ATP7A: variants seen among roughly 807,000 people sequenced by gnomAD.
The protein encoded by ATP7A is copper-transporting ATPase 1.
A neutral mutation model predicts 83.5 loss-of-function variants in ATP7A; 7 were observed. The observed-to-expected ratio is 0.08, with a 90% CI of 0.05 to 0.16. The LOEUF (loss-of-function observed/expected upper bound fraction) is 0.16, where lower values mean the gene tolerates loss of function less well. Among genes scored for constraint, ATP7A ranks in the 10% least tolerant of loss-of-function variants. The pLI, the probability that ATP7A is intolerant of heterozygous loss-of-function variation, is 1.00. For missense variants in ATP7A, 940 were observed against 1,120.8 expected, an observed-to-expected ratio of 0.84 and a Z score of 2.30; for synonymous variants, 354 against 395.2, an observed-to-expected ratio of 0.90 and a Z score of 1.24.
At chrX:78,013,145 G>A (rs782614074) in intron 10 of ATP7A, 33 bp downstream of exon 10, 9 of 1,140,776 alleles carry the variant, frequency 7.9e-6, no homozygotes, top group Non-Finnish European at 8.4e-6. Context: ...TTGTTAAAAT[G>A]TTGGGTGGAT....
At chrX:77,947,835 G>T (rs1459370166) in intron 1 of ATP7A, among the ~76,000 whole-genome samples, 1 of 103,823 alleles carries the variant, frequency 9.6e-6, no homozygotes, top group Middle Eastern at 4.4e-3. Flanking sequence ...TGTCTCCTGG[G>T]TTCAAGCGAT....
intron 6 of ATP7A, among the ~76,000 whole-genome samples, chrX:78,008,773 C>T (rs1380783033): frequency 3.6e-5 from 4 of 110,121 alleles, no homozygotes; most frequent in African/African-American, 6.6e-5. Context: ...AGTGGTAACT[C>T]GGGCTGGGCA....
chrX:77,998,208 A>C (rs911192697), intron 4 of ATP7A, among the ~76,000 whole-genome samples: 1 of 112,051 alleles, frequency 8.9e-6, no homozygotes, highest in Non-Finnish European at 1.9e-5. Flanking sequence ...TCTGTCTCTC[A>C]GATTGGGAGT....
At chrX:77,962,698 C>T (rs1603377053) in intron 1 of ATP7A, 1 of 385,812 alleles carries the variant, frequency 2.6e-6, no homozygotes, top group Non-Finnish European at 5.2e-6. Flanking sequence ...AGCAGCGGAA[C>T]AGTAGACCTG....
intron 14 of ATP7A, among the ~76,000 whole-genome samples, chrX:78,026,634 A>G (rs1424748998): frequency 8.9e-6 from 1 of 112,018 alleles, no homozygotes; most frequent in African/African-American, 3.2e-5. Context: ...CAGAGTATAT[A>G]TTCTTCTCAT....
chrX:78,011,382 A>T (rs2077824084), intron 8 of ATP7A, 67 bp from the exon 9 acceptor site: 1 of 1,060,723 alleles, frequency 9.4e-7, no homozygotes, highest in Non-Finnish European at 1.3e-6. Flanking sequence ...TCTCTGTAGT[A>T]TGTAGAATCT....
Position 78,020,274 on chromosome X carries a change from G to A in ATP7A, c.2657G>A (p.Gly886Asp), listed in dbSNP as rs188175511. 98 of 1,210,016 alleles carry A rather than the reference G, an allele frequency of 8.1e-5. No homozygotes were observed. In the South Asian group the frequency reaches 1.2e-3, roughly 15 times the overall value. The change falls in exon 13 of 23, where the codon GGC becomes GAC. Residue 886 changes from glycine to aspartate, a missense_variant. Transcript: ENST00000341514. ...GEAMPVAKKP[G>D]STVIAGSINQ... ...GCAATGCCTGTGGCTAAGAAACCTG[G>A]CAGCACAGTGATTGCTGGTTCCATT...
chrX:78,010,085 G>C (rs2077806951), intron 7 of ATP7A, among the ~76,000 whole-genome samples: 2 of 112,432 alleles, frequency 1.8e-5, no homozygotes, highest in Admixed American at 1.9e-4. Flanking sequence ...GTTCAGTTAA[G>C]ATCCTATTTG....
At chrX:78,020,214 T>G in intron 12 of ATP7A, 30 bp from the exon 13 acceptor site, 1 of 1,195,687 alleles carries the variant, frequency 8.4e-7, no homozygotes, top group Non-Finnish European at 1.1e-6. Context: ...TCATTTATGC[T>G]CCTTAAATCT....
intron 1 of ATP7A, chrX:77,966,883 C>T: frequency 3.1e-6 from 1 of 320,396 alleles, no homozygotes; most frequent in Non-Finnish European, 6.2e-6. Flanking sequence ...ATTGACCCAT[C>T]CTTTAAGTTT....
At position 77,972,079 on chromosome X, in the gene ATP7A, A is replaced by G. The variant is rs1478150575; in HGVS notation, c.120+318A>G. Among the ~76,000 whole-genome samples the G allele has an allele frequency of 5.4e-5, 6 of 112,019 alleles. No homozygotes were observed. In the Admixed American group the frequency reaches 5.7e-4, roughly 11 times the overall value. On this transcript the variant is annotated intron_variant, in intron 2 of 22. Transcript: ENST00000341514. ...TGAATCTCATACTGAACTAAAATGTATGTTTTCAGGGGATGGGTTAGGGTT... is the reference window on the plus strand; with the variant it reads ...TGAATCTCATACTGAACTAAAATGTGTGTTTTCAGGGGATGGGTTAGGGTT...
intron 1 of ATP7A, among the ~76,000 whole-genome samples, chrX:77,927,287 G>A (rs914741211): frequency 4.5e-5 from 5 of 110,683 alleles, no homozygotes; most frequent in African/African-American, 6.6e-5. Context: ...AACTGATCTG[G>A]TATGATTTCT....
chrX:78,014,329 C>A (rs2077846770), intron 10 of ATP7A, among the ~76,000 whole-genome samples: 1 of 109,476 alleles, frequency 9.1e-6, no homozygotes, highest in Non-Finnish European at 1.9e-5. Flanking sequence ...TGCTTGAACC[C>A]AGGAGGCAGG....
At chrX:78,027,251 G>A (rs2149103696) in intron 14 of ATP7A, among the ~76,000 whole-genome samples, 1 of 111,019 alleles carries the variant, frequency 9.0e-6, no homozygotes, top group East Asian at 2.8e-4. Flanking sequence ...AACTACTTCA[G>A]TAAAGTTTCA....
chrX:78,037,980 G>GTTTTTTTTTTTTTTTT lies in ATP7A; in HGVS notation c.3512-845_3512-830dup. Among the ~76,000 whole-genome samples the GTTTTTTTTTTTTTTTT allele has an allele frequency of 7.2e-4, 37 of 51,200 alleles. 3 individuals carry two copies. Among genetic ancestry groups the GTTTTTTTTTTTTTTTT allele is most frequent in the African/African-American group, 1.7e-3 (17 of 9,772 alleles). 44.5% of individuals were successfully genotyped at this position (51,200 alleles called of 115,157 possible). Reference sequence around the variant, plus strand: ...AGAGAGGTGGGTGAGATCAAGAAAGGTTTTTTTTTTTTTTTTTTTTTTTTT... The same window carrying GTTTTTTTTTTTTTTTT: ...AGAGAGGTGGGTGAGATCAAGAAAGGTTTTTTTTTTTTTTTTTTTTTTTTTTTTTTTTTTTTTTTTT... On this transcript the variant is annotated intron_variant, in intron 17 of 22. Transcript: ENST00000341514.
At chrX:77,971,485 T>C in intron 1 of ATP7A, 136 bp from the exon 2 acceptor site, 1 of 633,379 alleles carries the variant, frequency 1.6e-6, no homozygotes, top group Non-Finnish European at 2.5e-6. Context: ...ATTTTATTAC[T>C]AGCACATTTT....
At chrX:77,996,881 C>G (rs891484929) in intron 4 of ATP7A, among the ~76,000 whole-genome samples, 5 of 110,942 alleles carry the variant, frequency 4.5e-5, no homozygotes, top group African/African-American at 1.6e-4. Context: ...TTATTCAAAA[C>G]CAAAGTGATT....
chrX:78,017,729 G>A (rs2077876280), intron 12 of ATP7A, among the ~76,000 whole-genome samples: 1 of 106,592 alleles, frequency 9.4e-6, no homozygotes, highest in Non-Finnish European at 1.9e-5. Context: ...GATCTCTAGG[G>A]TGGGGGAAAA....
intron 1 of ATP7A, among the ~76,000 whole-genome samples, chrX:77,912,790 TC>T (rs1171893817): frequency 3.7e-4 from 42 of 112,242 alleles, no homozygotes; most frequent in African/African-American, 1.3e-3. Flanking sequence ...TCTCTGCTTT[TC>T]CTTTTTTCCT....
Sources: gnomAD v4.1 joint callset for allele counts (sites outside exome capture counted in the v4.1 genomes callset) on GRCh38, gnomAD v4.1.1 for gene constraint, MANE v1.5 for transcripts, NCBI Gene and HGNC (gene_info 2026-07-23, HGNC 2026-07-21) for gene names.